Variants in SLC4A10 observed in about 807,000 individuals in gnomAD.
The protein encoded by SLC4A10 is sodium-driven chloride bicarbonate exchanger.
SLC4A10 carries 42 observed loss-of-function variants against 137.7 expected under a neutral mutation model. The observed-to-expected ratio is 0.30, with a 90% CI of 0.24 to 0.39. The LOEUF is 0.39. SLC4A10 is among the 10% of genes least tolerant of loss of function. The pLI is 1.00. For synonymous variants in SLC4A10, 474 were observed against 464.1 expected (o/e 1.02, Z -0.27); for missense variants, 925 against 1,355.0 (o/e 0.68, Z 4.98).
intron 1 of SLC4A10, among the ~76,000 whole-genome samples, chr2:161,659,867 A>G (rs2038060840): frequency 1.3e-5 from 2 of 152,210 alleles, no homozygotes; most frequent in South Asian, 4.1e-4. Flanking sequence ...TGAATGAACC[A>G]TAAAACATTA....
chr2:161,857,129 C>T (rs1249239299), intron 5 of SLC4A10, among the ~76,000 whole-genome samples: 1 of 152,142 alleles, frequency 6.6e-6, no homozygotes, highest in Non-Finnish European at 1.5e-5. Flanking sequence ...CACTTTAGTT[C>T]ACTTTCATTG....
intron 1 of SLC4A10, among the ~76,000 whole-genome samples, chr2:161,744,370 A>G (rs1036092477): frequency 6.6e-6 from 1 of 152,128 alleles, no homozygotes; most frequent in Non-Finnish European, 1.5e-5. Context: ...ATTCTTTTTC[A>G]GTATCGATTG....
At chr2:161,665,898 T>C (rs1372413727) in intron 1 of SLC4A10, among the ~76,000 whole-genome samples, 1 of 149,406 alleles carries the variant, frequency 6.7e-6, no homozygotes, top group Non-Finnish European at 1.5e-5. Context: ...ATGTTCAAAT[T>C]CAGGTCTTTT....
At chr2:161,637,357 C>G (rs776827450) in intron 1 of SLC4A10, among the ~76,000 whole-genome samples, 3 of 151,622 alleles carry the variant, frequency 2.0e-5, no homozygotes, top group Admixed American at 1.3e-4. Flanking sequence ...TGCCACCACT[C>G]CCAGTAATTT....
chr2:161,676,231 C>T (rs2040260021), intron 1 of SLC4A10, among the ~76,000 whole-genome samples: 1 of 152,112 alleles, frequency 6.6e-6, no homozygotes, highest in South Asian at 2.1e-4. Context: ...AATAGTGTTA[C>T]TTTGATATTC....
intron 1 of SLC4A10, among the ~76,000 whole-genome samples, chr2:161,720,191 G>A (rs1003254408): frequency 1.3e-5 from 2 of 152,190 alleles, no homozygotes; most frequent in Non-Finnish European, 2.9e-5. Context: ...GTTTGTCAAA[G>A]ATCAGATAGT....
At chr2:161,748,145 G>A (rs1162996467) in intron 1 of SLC4A10, among the ~76,000 whole-genome samples, 2 of 152,196 alleles carry the variant, frequency 1.3e-5, no homozygotes, top group East Asian at 3.9e-4. Context: ...AGTTGTGTAA[G>A]TTCCTTATAT....
chr2:161,965,030 CTAG>C lies in SLC4A10; in HGVS notation c.3037-19_3037-17del, dbSNP rs1314840936. On this transcript the variant is annotated intron_variant, in intron 22 of 26. Coordinates refer to ENST00000446997, the MANE Select transcript of SLC4A10 (RefSeq NM_001178015.2). ...GTTTTAATTTTTTTTCCACTTTAAA[CTAG>C]TTTATTATTTACTTCAGGTGTTAGC... 1 of 1,597,202 alleles carries C rather than the reference CTAG, an allele frequency of 6.3e-7. No homozygotes were observed.
At chr2:161,722,311 A>G (rs534254645) in intron 1 of SLC4A10, among the ~76,000 whole-genome samples, 3 of 152,106 alleles carry the variant, frequency 2.0e-5, no homozygotes, top group Non-Finnish European at 2.9e-5. Flanking sequence ...TCTCATCTTC[A>G]TGAGCTTATC....
intron 3 of SLC4A10, 64 bp downstream of exon 3, chr2:161,804,659 T>C: frequency 2.7e-6 from 4 of 1,457,670 alleles, no homozygotes. Flanking sequence ...TATACAATTA[T>C]GATTAGGAGT....
At chr2:161,714,917 T>A (rs1028117621) in intron 1 of SLC4A10, among the ~76,000 whole-genome samples, 1 of 151,982 alleles carries the variant, frequency 6.6e-6, no homozygotes, top group South Asian at 2.1e-4. Flanking sequence ...TTGGTTATTA[T>A]AATTATCCCC....
At chr2:161,884,903 T>G (rs1286442589) in intron 10 of SLC4A10, among the ~76,000 whole-genome samples, 1 of 152,110 alleles carries the variant, frequency 6.6e-6, no homozygotes, top group Non-Finnish European at 1.5e-5. Flanking sequence ...CTAGGCCAGG[T>G]GTAATGGCTT....
intron 3 of SLC4A10, among the ~76,000 whole-genome samples, chr2:161,821,939 T>C (rs1239295372): frequency 6.6e-6 from 1 of 152,172 alleles, no homozygotes; most frequent in South Asian, 2.1e-4. Context: ...AATAAAATAT[T>C]TCTTGTCGCT....
At chr2:161,664,228 G>A (rs1308608917) in intron 1 of SLC4A10, among the ~76,000 whole-genome samples, 1 of 151,858 alleles carries the variant, frequency 6.6e-6, no homozygotes, top group East Asian at 1.9e-4. Context: ...CTTTAACCAT[G>A]TCATAAGAGT....
At chr2:161,899,205 A>G (rs1034471496) in intron 11 of SLC4A10, among the ~76,000 whole-genome samples, 1 of 152,038 alleles carries the variant, frequency 6.6e-6, no homozygotes, top group East Asian at 1.9e-4. Flanking sequence ...TTTCTCTTCT[A>G]TATCATCAAA....
At chr2:161,782,148 C>T (rs561529053) in intron 2 of SLC4A10, among the ~76,000 whole-genome samples, 35 of 152,172 alleles carry the variant, frequency 2.3e-4, no homozygotes, top group African/African-American at 7.7e-4. Flanking sequence ...CACCTTTCAG[C>T]TTCTCCCTGG....
chr2:161,677,545 C>T (rs916180726), intron 1 of SLC4A10, among the ~76,000 whole-genome samples: 4 of 152,114 alleles, frequency 2.6e-5, no homozygotes, highest in East Asian at 1.9e-4. Context: ...AATGTTCCCT[C>T]GAAATATTCA....
At chr2:161,734,603 ATCTATTT>A (rs1246735737) in intron 1 of SLC4A10, among the ~76,000 whole-genome samples, 1 of 152,158 alleles carries the variant, frequency 6.6e-6, no homozygotes, top group East Asian at 1.9e-4. Context: ...ATCTAGTTTT[ATCTATTT>A]TTTATTTGAA....
At chr2:161,963,194 G>GCAC (rs1473682210) in intron 21 of SLC4A10, among the ~76,000 whole-genome samples, 1 of 151,944 alleles carries the variant, frequency 6.6e-6, no homozygotes, top group Non-Finnish European at 1.5e-5. Context: ...CTTCCTGTGT[G>GCAC]CATTTAATTT....
Sources: allele counts gnomAD v4.1 joint callset (sites outside exome capture counted in the v4.1 genomes callset), GRCh38; gene constraint gnomAD v4.1.1; transcripts MANE v1.5; gene names NCBI Gene and HGNC (gene_info 2026-07-23, HGNC 2026-07-21).